EPB41L2: variants seen among roughly 807,000 people sequenced by gnomAD.
EPB41L2 encodes the protein erythrocyte membrane protein band 4.1 like 2, also known as band 4.1-like protein 2.
Under a neutral mutation model 113.0 loss-of-function variants are expected in EPB41L2, and 43 were observed. The observed-to-expected ratio is 0.38, with a 90% CI of 0.30 to 0.49. The LOEUF (loss-of-function observed/expected upper bound fraction) is 0.49. EPB41L2 is among the 20% of genes least tolerant of loss of function. The pLI, the probability that EPB41L2 is intolerant of heterozygous loss-of-function variation, is 0.95. For missense variants in EPB41L2, 1,147 were observed against 1,223.4 expected (o/e 0.94, Z 0.93); for synonymous variants, 442 against 436.7 (o/e 1.01, Z -0.15).
At chr6:130,876,427 T>C (rs1787568928) in intron 14 of EPB41L2, among the ~76,000 whole-genome samples, 1 of 152,246 alleles carries the variant, frequency 6.6e-6, no homozygotes, top group Non-Finnish European at 1.5e-5. Flanking sequence ...GAATCAGTTA[T>C]CACCTAAATT....
chr6:130,861,222 G>A (rs9402293), intron 18 of EPB41L2, among the ~76,000 whole-genome samples: 16,819 of 151,920 alleles, frequency 0.11, 1,196 homozygotes, highest in South Asian at 0.19. Context: ...ACAGGTGCCC[G>A]CCACTACACC....
intron 14 of EPB41L2, among the ~76,000 whole-genome samples, chr6:130,873,120 G>C (rs1424377211): frequency 6.6e-6 from 1 of 152,108 alleles, no homozygotes; most frequent in African/African-American, 2.4e-5. Context: ...CATTCTGACA[G>C]CAGCCCACAT....
chr6:131,032,152 TACCATGTCAAGA>T lies in EPB41L2; in HGVS notation c.-15+30991_-15+31002del, dbSNP rs1428293765. Among the ~76,000 whole-genome samples the T allele has an allele frequency of 2.0e-5, 3 of 152,308 alleles. No individual in the cohort carries two copies. In the East Asian group the frequency reaches 5.8e-4, roughly 29 times the overall value. On this transcript the variant is annotated intron_variant, in intron 1 of 19. Coordinates refer to ENST00000337057, the MANE Select transcript of EPB41L2 (RefSeq NM_001431.4). ...TATCATATATAATATTCCTATATAT[TACCATGTCAAGA>T]ACCACAGAGACAGCCCTAGCCAGCA...
chr6:130,915,528 A>G (rs1462109461), intron 4 of EPB41L2, among the ~76,000 whole-genome samples: 1 of 152,258 alleles, frequency 6.6e-6, no homozygotes, highest in Admixed American at 6.5e-5. Flanking sequence ...ACATTGTAGT[A>G]GCTGCAGATC....
chr6:131,006,543 G>A (rs1015540635), intron 1 of EPB41L2, among the ~76,000 whole-genome samples: 4 of 151,274 alleles, frequency 2.6e-5, no homozygotes, highest in Admixed American at 6.6e-5. Context: ...GGTGGTGCGC[G>A]CCTGTATTTC....
Position 130,910,855 on chromosome 6 carries a change from G to A in EPB41L2, c.811-1992C>T, listed in dbSNP as rs369486113. Among the ~76,000 whole-genome samples, 593 of 152,238 alleles carry A rather than the reference G, an allele frequency of 3.9e-3. 2 individuals are homozygous for A. Among genetic ancestry groups the A allele is most frequent in the African/African-American group, 0.013 (552 of 41,534 alleles). On this transcript the variant is annotated intron_variant, in intron 4 of 19. Transcript: ENST00000337057. ...TCTCACGCCAGTTAGAATGGCGATCGTTAAAAAGTCAGGAAAACAACAGAT... is the reference window on the plus strand; with the variant it reads ...TCTCACGCCAGTTAGAATGGCGATCATTAAAAAGTCAGGAAAACAACAGAT...
intron 1 of EPB41L2, among the ~76,000 whole-genome samples, chr6:131,054,562 CCTTCAGGTCT>C (rs368682201): frequency 1.5e-4 from 23 of 152,174 alleles, no homozygotes; most frequent in African/African-American, 3.6e-4. Context: ...TCCTCAGGTC[CCTTCAGGTCT>C]CTTCAGGTCT....
intron 14 of EPB41L2, among the ~76,000 whole-genome samples, chr6:130,873,449 T>C (rs1486766697): frequency 6.9e-6 from 1 of 144,494 alleles, no homozygotes; most frequent in Non-Finnish European, 1.5e-5. Flanking sequence ...TAATTCCTAA[T>C]AAACCCCACT....
intron 3 of EPB41L2, among the ~76,000 whole-genome samples, chr6:130,930,246 A>G (rs1482158535): frequency 6.6e-6 from 1 of 152,208 alleles, no homozygotes; most frequent in African/African-American, 2.4e-5. Flanking sequence ...ATTTTTTAAT[A>G]CAACATTTAC....
At chr6:130,990,373 T>C (rs1584321731) in intron 1 of EPB41L2, among the ~76,000 whole-genome samples, 2 of 148,802 alleles carry the variant, frequency 1.3e-5, no homozygotes, top group South Asian at 4.2e-4. Flanking sequence ...GAAAAACATA[T>C]CTAGAGGAAG....
At chr6:131,048,222 G>GA (rs1185488092) in intron 1 of EPB41L2, among the ~76,000 whole-genome samples, 1 of 150,742 alleles carries the variant, frequency 6.6e-6, no homozygotes, top group African/African-American at 2.4e-5. Context: ...GGATTCATAG[G>GA]AAAAAAAATT....
At chr6:131,011,840 C>G (rs1470844949) in intron 1 of EPB41L2, among the ~76,000 whole-genome samples, 2 of 152,132 alleles carry the variant, frequency 1.3e-5, no homozygotes, top group Non-Finnish European at 2.9e-5. Context: ...ATCCAGTGTA[C>G]AGTAAATGGG....
intron 18 of EPB41L2, among the ~76,000 whole-genome samples, chr6:130,861,983 T>A (rs1014569015): frequency 1.3e-5 from 2 of 151,970 alleles, no homozygotes; most frequent in Non-Finnish European, 2.9e-5. Flanking sequence ...AAACATGACA[T>A]CATATACAAA....
intron 4 of EPB41L2, among the ~76,000 whole-genome samples, chr6:130,923,056 C>G (rs13205393): frequency 1.3e-5 from 2 of 152,174 alleles, no homozygotes; most frequent in Non-Finnish European, 1.5e-5. Flanking sequence ...GTCGAGTCCT[C>G]CTACCCTTCT....
intron 4 of EPB41L2, among the ~76,000 whole-genome samples, chr6:130,920,066 A>G (rs970101842): frequency 6.6e-6 from 1 of 152,046 alleles, no homozygotes; most frequent in African/African-American, 2.4e-5. Flanking sequence ...AATCCTCTTC[A>G]TGACTTTCAT....
chr6:130,895,148 T>C (rs1331891293), intron 8 of EPB41L2, 29 bp from the exon 9 acceptor site: 1 of 1,566,528 alleles, frequency 6.4e-7, no homozygotes, highest in African/African-American at 1.4e-5. Flanking sequence ...TTAACCATGG[T>C]TAAGAGCTGT....
At chr6:130,846,853 A>G (rs1777195491) in intron 19 of EPB41L2, among the ~76,000 whole-genome samples, 1 of 152,186 alleles carries the variant, frequency 6.6e-6, no homozygotes, top group East Asian at 1.9e-4. Context: ...ATCGGATTTA[A>G]CTTTTATAGA....
At chr6:130,990,573 T>C (rs934084967) in intron 1 of EPB41L2, among the ~76,000 whole-genome samples, 13 of 152,118 alleles carry the variant, frequency 8.5e-5, no homozygotes, top group African/African-American at 3.1e-4. Context: ...ATTTTAAAGA[T>C]AAAAATATGG....
rs1448937798 is a variant in EPB41L2, at chr6:130,858,066, C to A, written c.*5+65G>T. ...CTGATATGAACTTTCATTTCACATC[C>A]TTTCACAAGTTCAGGAGTACAGAGC... On this transcript the variant is annotated intron_variant, in intron 19 of 19. Coordinates refer to ENST00000337057, the MANE Select transcript of EPB41L2 (RefSeq NM_001431.4). 2.4e-6 allele frequency: 3 copies of A among 1,253,956 alleles called. No individual in the cohort carries two copies. The East Asian group carries it at 7.0e-5, about 29-fold the overall frequency. The allele number at this position is 1,253,956 out of a possible 1,614,324, so 77.7% of individuals were successfully genotyped here.
Sources: allele counts gnomAD v4.1 joint callset (sites outside exome capture counted in the v4.1 genomes callset), GRCh38; gene constraint gnomAD v4.1.1; transcripts MANE v1.5; gene names NCBI Gene and HGNC (gene_info 2026-07-23, HGNC 2026-07-21).